Variants in TRPC7 observed in about 807,000 individuals in gnomAD.
TRPC7 encodes the protein short transient receptor potential channel 7.
A neutral mutation model predicts 90.1 loss-of-function variants in TRPC7; 42 were observed. That is an observed-to-expected ratio of 0.47 (90% CI 0.36 to 0.60). The LOEUF is 0.60. Among genes scored for constraint, TRPC7 ranks in the 20% least tolerant of loss-of-function variants. The pLI, the probability that TRPC7 is intolerant of heterozygous loss-of-function variation, is 0.00. For missense variants in TRPC7, 955 were observed against 1,112.3 expected (o/e 0.86, Z 2.01); for synonymous variants, 451 against 436.3 (o/e 1.03, Z -0.42).
Position 136,357,026 on chromosome 5 carries a change from A to C in TRPC7, c.362T>G (p.Ile121Ser), listed in dbSNP as rs1432747439. The change falls in exon 2 of 12, where the codon ATC (isoleucine) becomes AGC (serine). Residue 121 changes from isoleucine (I) to serine (S), a missense_variant. By Grantham distance (142) the Ile-to-Ser change is moderately radical. Around this residue, in one of 4 missense-constraint regions of TRPC7, gnomAD observed 14 missense variants for 34.2 expected, o/e 0.41. Transcript: ENST00000513104. ...CGGGTGGTTGAGGATGGCCTCCACG[A>C]TGCGCACATAGCCCTTGCTGATGGC... is the stretch of plus-strand genomic sequence containing the variant. ...LLAISKGYVR[I>S]VEAILNHPAF... 4.3e-6 allele frequency: 7 copies of C among 1,613,170 alleles called. No individual in the cohort carries two copies. In the South Asian group the frequency reaches 7.7e-5, roughly 18 times the overall value.
chr5:136,310,556 T>G (rs1186287359), intron 3 of TRPC7, among the ~76,000 whole-genome samples: 1 of 151,408 alleles, frequency 6.6e-6, no homozygotes, highest in African/African-American at 2.4e-5. Context: ...TCAGGAGGAG[T>G]GGAGCTGGCT....
At chr5:136,288,022 G>A (rs1303729051) in intron 3 of TRPC7, among the ~76,000 whole-genome samples, 3 of 152,142 alleles carry the variant, frequency 2.0e-5, no homozygotes, top group Admixed American at 6.5e-5. Flanking sequence ...TATTGGATAT[G>A]ATGTGCCAGA....
At chr5:136,301,157 G>C (rs905120061) in intron 3 of TRPC7, among the ~76,000 whole-genome samples, 1 of 151,974 alleles carries the variant, frequency 6.6e-6, no homozygotes, top group Non-Finnish European at 1.5e-5. Context: ...CTCCCGAGTA[G>C]CTGGGACTAC....
intron 2 of TRPC7, among the ~76,000 whole-genome samples, chr5:136,343,293 G>T (rs1474457874): frequency 6.6e-6 from 1 of 152,106 alleles, no homozygotes; most frequent in Non-Finnish European, 1.5e-5. Flanking sequence ...TGATGTTGGG[G>T]CCCAAAAATG....
chr5:136,312,617 G>T (rs983978129), intron 3 of TRPC7, among the ~76,000 whole-genome samples: 1 of 152,162 alleles, frequency 6.6e-6, no homozygotes, highest in Non-Finnish European at 1.5e-5. Flanking sequence ...TAGAAACCTG[G>T]TCAACAGAAA....
At chr5:136,238,572 A>G (rs1756063707) in intron 7 of TRPC7, among the ~76,000 whole-genome samples, 1 of 151,932 alleles carries the variant, frequency 6.6e-6, no homozygotes, top group Non-Finnish European at 1.5e-5. Flanking sequence ...AAACCATATT[A>G]TCATCCTAGA....
intron 3 of TRPC7, among the ~76,000 whole-genome samples, chr5:136,275,792 G>A (rs571422708): frequency 7.9e-5 from 12 of 152,154 alleles, no homozygotes; most frequent in Non-Finnish European, 1.6e-4. Flanking sequence ...GTTGAGAGAG[G>A]CAGTCTATTT....
chr5:136,261,880 G>A (rs1013921345), intron 5 of TRPC7, among the ~76,000 whole-genome samples: 2 of 152,172 alleles, frequency 1.3e-5, no homozygotes, highest in Admixed American at 6.5e-5. Flanking sequence ...CTAAATATGT[G>A]TCTCAAACTA....
chr5:136,346,244 A>T (rs1250900919), intron 2 of TRPC7, among the ~76,000 whole-genome samples: 1 of 152,120 alleles, frequency 6.6e-6, no homozygotes, highest in Non-Finnish European at 1.5e-5. Flanking sequence ...TATATATATA[A>T]ATAAAAAATT....
chr5:136,225,412 C>T, intron 9 of TRPC7, 58 bp from the exon 10 acceptor site: 1 of 1,528,942 alleles, frequency 6.5e-7, no homozygotes, highest in East Asian at 2.3e-5. Flanking sequence ...TGCATCCCTA[C>T]ATATCTCGTA....
At chr5:136,226,337 C>T in intron 8 of TRPC7, 82 bp from the exon 9 acceptor site, 1 of 996,664 alleles carries the variant, frequency 1.0e-6, no homozygotes, top group Non-Finnish European at 1.5e-6. Flanking sequence ...AGAGACACAG[C>T]CCCAACATTC....
At chr5:136,362,422 G>T (rs779977620) in intron 1 of TRPC7, among the ~76,000 whole-genome samples, 6 of 152,114 alleles carry the variant, frequency 3.9e-5, no homozygotes, top group Non-Finnish European at 7.4e-5. Context: ...GCAATGTAAT[G>T]ATGAATGAAT....
In TRPC7 at chr5:136,219,212, C is replaced by T. The variant is rs114403548; in HGVS notation, c.2344-2937G>A. Among the ~76,000 whole-genome samples the T allele has an allele frequency of 1.9e-3, 296 of 152,338 alleles. 1 individual carries two copies. The highest frequency in any genetic ancestry group is 6.5e-3 in the African/African-American group (270 of 41,590). On this transcript the variant is annotated intron_variant, in intron 10 of 11. Transcript: ENST00000513104. ...CTGCTCTGGCACTGGCAGGAATGCT[C>T]ATGGCCCACTCTTGAGCACTGGCAT...
intron 10 of TRPC7, among the ~76,000 whole-genome samples, chr5:136,219,300 C>A (rs961497577): frequency 2.0e-5 from 3 of 152,248 alleles, no homozygotes; most frequent in African/African-American, 7.2e-5. Context: ...CAAAGGTTTA[C>A]TTTGAAGCTC....
intron 2 of TRPC7, among the ~76,000 whole-genome samples, chr5:136,326,985 G>A (rs1204689234): frequency 2.6e-5 from 4 of 152,170 alleles, no homozygotes; most frequent in South Asian, 4.1e-4. Flanking sequence ...TGGAAAAACT[G>A]GAGTCAGAGA....
chr5:136,256,697 C>G (rs981895943), intron 5 of TRPC7, among the ~76,000 whole-genome samples: 2 of 152,188 alleles, frequency 1.3e-5, no homozygotes, highest in African/African-American at 4.8e-5. Flanking sequence ...ATATCATGGT[C>G]ACTTCTGTCT....
chr5:136,219,271 G>A (rs1272546428), intron 10 of TRPC7, among the ~76,000 whole-genome samples: 1 of 152,226 alleles, frequency 6.6e-6, no homozygotes, highest in Non-Finnish European at 1.5e-5. Flanking sequence ...GTAGACCTAG[G>A]GCTCAGAGGG....
At chr5:136,321,590 T>C (rs1177875967) in intron 2 of TRPC7, among the ~76,000 whole-genome samples, 1 of 152,118 alleles carries the variant, frequency 6.6e-6, no homozygotes, top group Admixed American at 6.5e-5. Flanking sequence ...ACTTAAAAAC[T>C]GATAATAAAA....
At chr5:136,309,128 T>G (rs1355137886) in intron 3 of TRPC7, among the ~76,000 whole-genome samples, 5 of 152,218 alleles carry the variant, frequency 3.3e-5, no homozygotes, top group Admixed American at 6.5e-5. Context: ...CTTGGCATTC[T>G]GCTCTGAGGG....
Sources: gnomAD v4.1 joint callset for allele counts (sites outside exome capture counted in the v4.1 genomes callset) on GRCh38, gnomAD v4.1.1 for gene constraint, gnomAD v4.1.1 regional missense constraint, MANE v1.5 for transcripts, NCBI Gene and HGNC (gene_info 2026-07-23, HGNC 2026-07-21) for gene names.